DAPK1: variants seen among roughly 807,000 people sequenced by gnomAD.
DAPK1 encodes death associated protein kinase 1.
In DAPK1, 56 loss-of-function variants were observed where a neutral mutation model predicts 144.9. That is an observed-to-expected ratio of 0.39 (90% CI 0.31 to 0.48). The LOEUF is 0.48. Ranked by LOEUF, DAPK1 falls within the 20% of genes least tolerant of loss-of-function variation. The pLI, the probability that DAPK1 is intolerant of heterozygous loss-of-function variation, is 0.95. For synonymous variants in DAPK1, 690 were observed against 749.0 expected (o/e 0.92, Z 1.29); for missense variants, 1,454 against 1,875.4 (o/e 0.78, Z 4.15).
intron 2 of DAPK1, among the ~76,000 whole-genome samples, chr9:87,537,032 G>A (rs904386155): frequency 6.6e-6 from 1 of 151,010 alleles, no homozygotes; most frequent in Non-Finnish European, 1.5e-5. Context: ...CAGTCACCCA[G>A]TCTGGAGTGC....
In DAPK1 at chr9:87,696,994, T is replaced by C; in HGVS notation, c.2414-13T>C. The C allele has an allele frequency of 1.4e-6, 2 of 1,388,822 alleles. No homozygotes were observed. Among genetic ancestry groups the C allele is most frequent in the South Asian group, 1.2e-5 (1 of 86,428 alleles). The allele number at this position is 1,388,822 out of a possible 1,614,324, so 86.0% of individuals were successfully genotyped here. A position where few individuals can be genotyped will look rare whatever the true frequency, so the allele number is the denominator to read the frequency against. On this transcript the variant is annotated splice_polypyrimidine_tract_variant and intron_variant, in intron 21 of 25. Transcript: ENST00000408954. ...GGTGTTTCACGATTGTTATCATTTT[T>C]CTTTTTCTGTAGGAGTTGGCGATTT...
chr9:87,527,685 C>T (rs1408875586), intron 2 of DAPK1, among the ~76,000 whole-genome samples: 9 of 152,220 alleles, frequency 5.9e-5, no homozygotes, highest in Admixed American at 5.9e-4. Flanking sequence ...TGTCAAAACA[C>T]AAGCCTAATG....
intron 21 of DAPK1, among the ~76,000 whole-genome samples, chr9:87,694,060 C>T (rs184192639): frequency 7.7e-4 from 117 of 152,232 alleles, no homozygotes; most frequent in African/African-American, 2.5e-3. Context: ...AGACAGCTTG[C>T]TCAAGTGCTG....
chr9:87,695,519 T>C (rs1825225287), intron 21 of DAPK1, among the ~76,000 whole-genome samples: 1 of 152,314 alleles, frequency 6.6e-6, no homozygotes, highest in African/African-American at 2.4e-5. Context: ...GAATCTAATC[T>C]GCAGATATTT....
chr9:87,544,879 C>T (rs1278341094), intron 2 of DAPK1, among the ~76,000 whole-genome samples: 1 of 152,082 alleles, frequency 6.6e-6, no homozygotes, highest in Non-Finnish European at 1.5e-5. Context: ...TAATTTGGTC[C>T]CATTCCCTAC....
rs1825356212 is a variant in DAPK1 at position 87,698,755 on chromosome 9, A to G, written c.2711A>G (p.Tyr904Cys). The change falls in exon 23 of 26, where the codon TAT becomes TGT. Residue 904 changes from tyrosine to cysteine, a missense_variant. By Grantham distance (194) the Tyr-to-Cys change is radical. This residue lies in a region of DAPK1 where 1,025 missense variants were observed against 1,237.9 expected (regional missense o/e 0.83). Coordinates refer to ENST00000408954, the MANE Select transcript of DAPK1 (RefSeq NM_004938.4). ...VPRPAGGEFGYDKDTSLLKEI... is the reference protein window; with the variant it reads ...VPRPAGGEFGCDKDTSLLKEI... ...CGACCGGCTGGAGGCGAGTTTGGAT[A>G]TGACAAAGACACATCGTTGCTGAAA... 1 of 1,607,012 alleles carries G rather than the reference A, an allele frequency of 6.2e-7. No homozygotes were observed.
At chr9:87,547,241 C>A (rs1353732920) in intron 2 of DAPK1, among the ~76,000 whole-genome samples, 1 of 152,104 alleles carries the variant, frequency 6.6e-6, no homozygotes, top group Non-Finnish European at 1.5e-5. Flanking sequence ...TCAATAAAAT[C>A]CTGATGTTGT....
At chr9:87,655,874 G>A (rs796697883) in intron 17 of DAPK1, among the ~76,000 whole-genome samples, 5 of 152,326 alleles carry the variant, frequency 3.3e-5, no homozygotes, top group African/African-American at 1.2e-4. Flanking sequence ...GAGGATGAGA[G>A]AGGACTCCCT....
chr9:87,533,664 T>TCTGCC (rs3031519), intron 2 of DAPK1, among the ~76,000 whole-genome samples: 136,196 of 151,728 alleles, frequency 0.9, 61,326 homozygotes, highest in African/African-American at 0.97. Context: ...CTTTTCCTGC[T>TCTGCC]CTGCCCTGCC....
Position 87,499,007 on chromosome 9 carries a change from A to C in DAPK1, c.-71A>C, listed in dbSNP as rs1209763334. 7.9e-7 allele frequency: 1 copy of C among 1,269,466 alleles called. No individual in the cohort carries two copies. Among genetic ancestry groups the C allele is most frequent in the African/African-American group, 1.5e-5 (1 of 68,374 alleles). The allele number at this position is 1,269,466 out of a possible 1,614,324, so 78.6% of individuals were successfully genotyped here. ...ATGCATGAGGGGGCTACGGAGGCGC[A>C]GGAGCGGTGGTGATGGTCTGGGAAG... On this transcript the variant is annotated 5_prime_UTR_variant, in exon 2 of 26. Coordinates refer to ENST00000408954, the MANE Select transcript of DAPK1 (RefSeq NM_004938.4).
intron 21 of DAPK1, among the ~76,000 whole-genome samples, chr9:87,696,729 C>T (rs36218774): frequency 0.012 from 1,774 of 152,266 alleles, 15 homozygotes; most frequent in South Asian, 0.022. Flanking sequence ...CTCACTCACT[C>T]CTTCCCACCA....
chr9:87,564,787 G>A (rs965793349), intron 2 of DAPK1, among the ~76,000 whole-genome samples: 1 of 152,032 alleles, frequency 6.6e-6, no homozygotes. Flanking sequence ...ACCTCTTAAC[G>A]GTCTCACCTC....
chr9:87,653,840 C>T (rs1564050778), intron 17 of DAPK1, among the ~76,000 whole-genome samples: 1 of 151,956 alleles, frequency 6.6e-6, no homozygotes, highest in Non-Finnish European at 1.5e-5. Flanking sequence ...ATTACAGGCT[C>T]ATGCCACCAT....
chr9:87,651,581 A>T lies in DAPK1; in HGVS notation c.1681A>T (p.Lys561Ter). 1 of 1,614,178 alleles carries T rather than the reference A, an allele frequency of 6.2e-7. No homozygotes were observed. Residue 561 changes from lysine to a stop codon, truncating the protein, a stop_gained, in exon 17 of 26, where the codon AAG becomes TAG. Coordinates refer to ENST00000408954, the MANE Select transcript of DAPK1 (RefSeq NM_004938.4). LOFTEE classifies it high-confidence loss of function. ...AAGACGGTGTCAGATGGAGGTAATC[A>T]AGACTCTCCTCAGCCAAGGGTGTTT... ...AVRRCQMEVI[K>*]TLLSQGCFVD...
At chr9:87,682,480 G>A (rs751965460) in intron 20 of DAPK1, among the ~76,000 whole-genome samples, 5 of 152,192 alleles carry the variant, frequency 3.3e-5, no homozygotes, top group African/African-American at 1.2e-4. Context: ...AGCCAGGTCT[G>A]TTCCCCAGGT....
At chr9:87,498,427 C>A in intron 1 of DAPK1, 1 of 306,478 alleles carries the variant, frequency 3.3e-6, no homozygotes, top group East Asian at 5.4e-5. Context: ...GCCGGGTCGG[C>A]CGGGTAACGG....
chr9:87,499,022 G>A lies in DAPK1; in HGVS notation c.-56G>A, dbSNP rs1824296562. On this transcript the variant is annotated 5_prime_UTR_variant, in exon 2 of 26. It removes an upstream start codon present in the reference 5' UTR. Coordinates refer to ENST00000408954, the MANE Select transcript of DAPK1 (RefSeq NM_004938.4). ...ACGGAGGCGCAGGAGCGGTGGTGAT[G>A]GTCTGGGAAGCGGAGCTGAAGTGCC... 5 of 1,481,878 alleles carry A rather than the reference G, an allele frequency of 3.4e-6. No individual in the cohort carries two copies. The highest frequency in any genetic ancestry group is 3.8e-6 in the Non-Finnish European group (4 of 1,060,300). 91.8% of individuals were successfully genotyped at this position (1,481,878 alleles called of 1,614,324 possible).
chr9:87,597,585 T>C (rs1828362870), intron 2 of DAPK1, among the ~76,000 whole-genome samples: 1 of 152,104 alleles, frequency 6.6e-6, no homozygotes, highest in Admixed American at 6.5e-5. Flanking sequence ...CTTGATGTGT[T>C]TAGAGAAAAC....
intron 2 of DAPK1, among the ~76,000 whole-genome samples, chr9:87,549,631 A>AC (rs1427211472): frequency 2.6e-5 from 4 of 152,200 alleles, no homozygotes; most frequent in Non-Finnish European, 5.9e-5. Flanking sequence ...ACTTCTCATC[A>AC]CAAAGAGTAC....
Sources: allele counts gnomAD v4.1 joint callset (sites outside exome capture counted in the v4.1 genomes callset), GRCh38; gene constraint gnomAD v4.1.1; regional missense constraint gnomAD v4.1.1; transcripts MANE v1.5; gene names NCBI Gene and HGNC (gene_info 2026-07-23, HGNC 2026-07-21).